The following PRKD3 variants were observed in gnomAD, a reference collection of about 807,000 sequenced individuals.
PRKD3 encodes serine/threonine-protein kinase D3.
A neutral mutation model predicts 99.2 loss-of-function variants in PRKD3; 47 were observed. The ratio of observed to expected loss-of-function variants is 0.47; its 90% CI spans 0.38 to 0.60. The LOEUF (loss-of-function observed/expected upper bound fraction) is 0.60. PRKD3 is among the 20% of genes least tolerant of loss of function. PRKD3 has a pLI of 0.00. For synonymous variants in PRKD3, 392 were observed against 355.4 expected (o/e 1.10, Z -1.16); for missense variants, 1,019 against 1,088.4 (o/e 0.94, Z 0.90).
intron 2 of PRKD3, among the ~76,000 whole-genome samples, chr2:37,312,517 A>AT (rs1344964198): frequency 1.3e-5 from 2 of 152,178 alleles, no homozygotes. Context: ...TATAGTGTAA[A>AT]TAAGAGTCCT....
At chr2:37,320,678 C>T (rs1364311626) in intron 1 of PRKD3, among the ~76,000 whole-genome samples, 1 of 151,982 alleles carries the variant, frequency 6.6e-6, no homozygotes, top group Non-Finnish European at 1.5e-5. Context: ...GTGATCCGCC[C>T]ATCTCGGCCT....
At chr2:37,320,814 T>C (rs1255514261) in intron 1 of PRKD3, among the ~76,000 whole-genome samples, 1 of 152,176 alleles carries the variant, frequency 6.6e-6, no homozygotes, top group Non-Finnish European at 1.5e-5. Flanking sequence ...CAAATAACAG[T>C]GTTTAATACA....
intron 2 of PRKD3, among the ~76,000 whole-genome samples, chr2:37,295,762 A>C (rs928108942): frequency 6.6e-6 from 1 of 152,194 alleles, no homozygotes; most frequent in Non-Finnish European, 1.5e-5. Flanking sequence ...TATATCACTA[A>C]TGTATACCTA....
chr2:37,282,697 A>C, intron 6 of PRKD3, 78 bp from the exon 7 acceptor site: 1 of 967,606 alleles, frequency 1.0e-6, no homozygotes, highest in Non-Finnish European at 1.6e-6. Context: ...TCTTTAAATC[A>C]CTCACAAACA....
At chr2:37,300,835 C>T (rs1039429177) in intron 2 of PRKD3, among the ~76,000 whole-genome samples, 1 of 152,122 alleles carries the variant, frequency 6.6e-6, no homozygotes, top group African/African-American at 2.4e-5. Flanking sequence ...TTTGCTGGCT[C>T]AAAGAAAACG....
intron 5 of PRKD3, among the ~76,000 whole-genome samples, chr2:37,287,230 C>CAAAAAAAAAAAAAAAAA (rs754092348): frequency 1.1e-4 from 6 of 53,658 alleles, no homozygotes; most frequent in African/African-American, 1.9e-4. Flanking sequence ...AACTCCATCT[C>CAAAAAAAAAAAAAAAAA]AAAAAAAAAA....
In PRKD3 at chr2:37,316,227, C is replaced by T. The variant is rs748894099; in HGVS notation, c.288+10G>A. 1.4e-5 allele frequency: 22 copies of T among 1,596,616 alleles called. No individual in the cohort carries two copies. In the East Asian group the frequency reaches 1.8e-4, roughly 13 times the overall value. On this transcript the variant is annotated intron_variant, in intron 2 of 18. Coordinates refer to ENST00000234179, the MANE Select transcript of PRKD3 (RefSeq NM_005813.6). ...ATATTATTTACTACTGATAATAGCA[C>T]ACACAGTACCTTTTGATAAACTATG...
intron 5 of PRKD3, among the ~76,000 whole-genome samples, chr2:37,287,219 A>G (rs1233922839): frequency 2.3e-5 from 3 of 130,304 alleles, no homozygotes; most frequent in Non-Finnish European, 3.1e-5. Context: ...AACAAGAGCG[A>G]AACTCCATCT....
In PRKD3 at chr2:37,277,647, T is replaced by C. The variant is rs187522040; in HGVS notation, c.1296+219A>G. On this transcript the variant is annotated intron_variant, in intron 9 of 18. Coordinates refer to ENST00000234179, the MANE Select transcript of PRKD3 (RefSeq NM_005813.6). ...AACAATCCCAGATCCTTTTTGAATA[T>C]TGACTGCTCTACCAGTTTGTAAAGA... Among the ~76,000 whole-genome samples the C allele has an allele frequency of 9.2e-5, 14 of 152,342 alleles. 1 individual carries two copies. In the East Asian group the frequency reaches 9.6e-4, roughly 10 times the overall value.
intron 2 of PRKD3, among the ~76,000 whole-genome samples, chr2:37,296,484 T>C (rs1384281702): frequency 1.3e-5 from 2 of 151,980 alleles, no homozygotes; most frequent in Non-Finnish European, 2.9e-5. Flanking sequence ...TACTCATCTA[T>C]ACGACAGACA....
chr2:37,303,431 G>A (rs1671022645), intron 2 of PRKD3, among the ~76,000 whole-genome samples: 1 of 152,098 alleles, frequency 6.6e-6, no homozygotes, highest in Admixed American at 6.5e-5. Flanking sequence ...CTGATAACAC[G>A]CTGCTGTCCA....
At chr2:37,287,453 T>G (rs1314158709) in intron 5 of PRKD3, among the ~76,000 whole-genome samples, 1 of 151,916 alleles carries the variant, frequency 6.6e-6, no homozygotes, top group African/African-American at 2.4e-5. Context: ...CTTCTTTTCC[T>G]TCCCTTGGTT....
intron 2 of PRKD3, among the ~76,000 whole-genome samples, chr2:37,300,288 G>A (rs1670863429): frequency 6.6e-6 from 1 of 152,106 alleles, no homozygotes; most frequent in Non-Finnish European, 1.5e-5. Flanking sequence ...GACAAGTATT[G>A]CATGTTCTCA....
intron 1 of PRKD3, chr2:37,324,288 G>A: frequency 1.1e-6 from 1 of 936,236 alleles, no homozygotes; most frequent in Non-Finnish European, 1.3e-6. Context: ...GTCTGGCTTC[G>A]GGAACTAGTT....
At chr2:37,308,557 C>G (rs1445199219) in intron 2 of PRKD3, among the ~76,000 whole-genome samples, 1 of 124,584 alleles carries the variant, frequency 8.0e-6, no homozygotes, top group East Asian at 2.8e-4. Context: ...AGAGTTCAAG[C>G]GATTCTCCTG....
chr2:37,311,593 C>T (rs1357667507), intron 2 of PRKD3, among the ~76,000 whole-genome samples: 2 of 152,106 alleles, frequency 1.3e-5, no homozygotes, highest in Non-Finnish European at 2.9e-5. Flanking sequence ...CTAGAATTTG[C>T]AATTATCACA....
In PRKD3 at chr2:37,253,308, T is replaced by C. The variant is rs769449366; in HGVS notation, c.2542A>G (p.Ile848Val). 1.5e-5 allele frequency: 24 copies of C among 1,613,082 alleles called. No homozygotes were observed. Among genetic ancestry groups the C allele is most frequent in the Non-Finnish European group, 2.0e-5 (23 of 1,179,328 alleles). Residue 848 changes from isoleucine (I) to valine (V), a missense_variant, in exon 19 of 19, where the codon ATT becomes GTT. Transcript: ENST00000234179. The stretch of plus-strand genomic sequence containing the variant: ...TCATGTGTAATGTAACGTTCTCCAA[T>C]GCGAGTTTCAAATTCTCTAAGGTCA... ...WLDLREFETRIGERYITHESD... is the reference protein window; with the variant it reads ...WLDLREFETRVGERYITHESD...
chr2:37,322,889 T>C (rs1178511450), intron 1 of PRKD3, among the ~76,000 whole-genome samples: 17 of 152,116 alleles, frequency 1.1e-4, no homozygotes. Flanking sequence ...GCAAAGAATT[T>C]CCTTATATAT....
chr2:37,308,075 C>G lies in PRKD3; in HGVS notation c.288+8162G>C, dbSNP rs1419328197. ...TATATTTTAAAACTGTTTTGAACAT[C>G]TTCCTGCACGCTTGTTTACTAATTT... On this transcript the variant is annotated intron_variant, in intron 2 of 18. Coordinates refer to ENST00000234179, the MANE Select transcript of PRKD3 (RefSeq NM_005813.6). Among the ~76,000 whole-genome samples the G allele has an allele frequency of 2.6e-5, 4 of 152,308 alleles. No homozygotes were observed. In the East Asian group the frequency reaches 7.7e-4, roughly 29 times the overall value.
Sources: allele counts gnomAD v4.1 joint callset (sites outside exome capture counted in the v4.1 genomes callset), GRCh38; gene constraint gnomAD v4.1.1; transcripts MANE v1.5; gene names NCBI Gene and HGNC (gene_info 2026-07-23, HGNC 2026-07-21).